NCKAP5: variants seen among roughly 807,000 people sequenced by gnomAD.
NCKAP5 encodes the protein NCK associated protein 5, also known as nck-associated protein 5.
NCKAP5 carries 92 observed loss-of-function variants against 167.0 expected under a neutral mutation model. The ratio of observed to expected loss-of-function variants is 0.55; its 90% CI spans 0.47 to 0.66. The LOEUF (loss-of-function observed/expected upper bound fraction) is 0.66. NCKAP5 is among the 30% of genes least tolerant of loss of function. NCKAP5 has a pLI of 0.00. For synonymous variants in NCKAP5, 891 were observed against 877.4 expected (o/e 1.02, Z -0.27); for missense variants, 2,378 against 2,315.0 (o/e 1.03, Z -0.56).
chr2:132,778,016 GC>G (rs1262060851), intron 15 of NCKAP5, among the ~76,000 whole-genome samples: 1 of 152,046 alleles, frequency 6.6e-6, no homozygotes, highest in Non-Finnish European at 1.5e-5. Context: ...TTAAATAGGA[GC>G]CTAGAGCTGT....
In NCKAP5 at chr2:132,744,286, T is replaced by A. The variant is rs138647589; in HGVS notation, c.5129-12235A>T. Among the ~76,000 whole-genome samples, 5 of 151,670 alleles carry A rather than the reference T, an allele frequency of 3.3e-5. No individual in the cohort carries two copies. The East Asian group carries it at 9.7e-4, about 29-fold the overall frequency. The stretch of plus-strand genomic sequence containing the variant: ...ACCATATCCTTCATTATAAAAGAAG[T>A]CTTAGAAAATTTAAAATCACCGAAG... On this transcript the variant is annotated intron_variant, in intron 16 of 19. Transcript: ENST00000409261.
chr2:133,136,419 T>A (rs1026707004), intron 5 of NCKAP5, among the ~76,000 whole-genome samples: 1 of 152,158 alleles, frequency 6.6e-6, no homozygotes, highest in Non-Finnish European at 1.5e-5. Context: ...TGACGAAACA[T>A]ATCAGGCATA....
intron 8 of NCKAP5, among the ~76,000 whole-genome samples, chr2:132,893,708 A>G (rs944031107): frequency 6.6e-6 from 1 of 152,196 alleles, no homozygotes; most frequent in Non-Finnish European, 1.5e-5. Flanking sequence ...CATTACCACT[A>G]GTGGGGAGAA....
the NCKAP5 span, among the ~76,000 whole-genome samples, chr2:133,647,713 A>AAGGAAGGAAGGAAGG: frequency 2.3e-5 from 2 of 85,712 alleles, no homozygotes; most frequent in African/African-American, 4.8e-5. Context: ...AAAGAAAAAG[A>AAGGAAGGAAGGAAGG]AAGGAAGGAA....
At chr2:132,960,592 A>G (rs1309066273) in intron 8 of NCKAP5, among the ~76,000 whole-genome samples, 1 of 152,182 alleles carries the variant, frequency 6.6e-6, no homozygotes, top group Non-Finnish European at 1.5e-5. Context: ...GAGAAGAAAG[A>G]GGAATTGATT....
chr2:133,320,773 C>T (rs1426056766), intron 3 of NCKAP5, among the ~76,000 whole-genome samples: 1 of 152,116 alleles, frequency 6.6e-6, no homozygotes, highest in African/African-American at 2.4e-5. Flanking sequence ...TTTATGCCTC[C>T]TGGCCACTTG....
At chr2:132,805,501 T>C (rs1685358948) in intron 11 of NCKAP5, among the ~76,000 whole-genome samples, 1 of 152,200 alleles carries the variant, frequency 6.6e-6, no homozygotes, top group Non-Finnish European at 1.5e-5. Flanking sequence ...TTCATTCATT[T>C]ACTTAAAATC....
At chr2:132,813,610 C>A (rs1048277022) in intron 11 of NCKAP5, among the ~76,000 whole-genome samples, 1 of 152,180 alleles carries the variant, frequency 6.6e-6, no homozygotes, top group Non-Finnish European at 1.5e-5. Context: ...AGTGACTCCT[C>A]CTGTGACACC....
At chr2:132,825,627 T>A (rs1687072307) in intron 11 of NCKAP5, among the ~76,000 whole-genome samples, 1 of 152,178 alleles carries the variant, frequency 6.6e-6, no homozygotes, top group South Asian at 2.1e-4. Context: ...AAGAGAACAT[T>A]AGCAGAATTC....
At chr2:133,470,737 GA>G (rs1559508664) in intron 3 of NCKAP5, among the ~76,000 whole-genome samples, 1 of 152,248 alleles carries the variant, frequency 6.6e-6, no homozygotes, top group Non-Finnish European at 1.5e-5. Flanking sequence ...AAGCCTGTCG[GA>G]AAAGTACAGT....
chr2:132,678,685 C>T (rs1167367309), intron 19 of NCKAP5, among the ~76,000 whole-genome samples: 1 of 152,058 alleles, frequency 6.6e-6, no homozygotes, highest in Non-Finnish European at 1.5e-5. Flanking sequence ...TATTATCATC[C>T]CCATTATACA....
At chr2:132,748,907 C>T (rs1679877505) in intron 16 of NCKAP5, among the ~76,000 whole-genome samples, 1 of 151,966 alleles carries the variant, frequency 6.6e-6, no homozygotes, top group Admixed American at 6.6e-5. Context: ...TCTCAGCCTC[C>T]CAAGTAGCTG....
intron 4 of NCKAP5, among the ~76,000 whole-genome samples, chr2:133,241,886 G>A (rs774216840): frequency 2.6e-5 from 4 of 152,084 alleles, no homozygotes; most frequent in African/African-American, 4.8e-5. Flanking sequence ...TTGAGAGGCC[G>A]AGGTGGTTGG....
At chr2:133,074,523 C>G (rs1573952125) in intron 6 of NCKAP5, among the ~76,000 whole-genome samples, 2 of 152,092 alleles carry the variant, frequency 1.3e-5, no homozygotes, top group Non-Finnish European at 2.9e-5. Flanking sequence ...AACCCTCCAG[C>G]TAGTTTTTTC....
intron 6 of NCKAP5, among the ~76,000 whole-genome samples, chr2:133,061,337 C>T (rs1266273855): frequency 5.3e-5 from 8 of 152,188 alleles, no homozygotes; most frequent in Admixed American, 3.9e-4. Context: ...AGGGCCCCCA[C>T]GCTAGGCACC....
intron 11 of NCKAP5, among the ~76,000 whole-genome samples, chr2:132,853,057 C>T (rs1400473114): frequency 6.6e-6 from 1 of 152,140 alleles, no homozygotes; most frequent in African/African-American, 2.4e-5. Context: ...CTGGCTGTCC[C>T]ATGAATATGA....
intron 6 of NCKAP5, among the ~76,000 whole-genome samples, chr2:133,087,696 A>G (rs1205151831): frequency 6.6e-6 from 1 of 152,244 alleles, no homozygotes; most frequent in Non-Finnish European, 1.5e-5. Context: ...CAAAAATACC[A>G]TACAACTGGA....
At chr2:133,285,638 C>T (rs1574603633) in intron 4 of NCKAP5, among the ~76,000 whole-genome samples, 1 of 152,248 alleles carries the variant, frequency 6.6e-6, no homozygotes, top group Non-Finnish European at 1.5e-5. Context: ...CAATGTCTTC[C>T]TTTATATAAT....
intron 16 of NCKAP5, among the ~76,000 whole-genome samples, chr2:132,752,425 G>C (rs1186678065): frequency 6.6e-6 from 1 of 152,226 alleles, no homozygotes; most frequent in African/African-American, 2.4e-5. Context: ...AAACGGAAAG[G>C]CTTTTAATAA....
Sources: gnomAD v4.1 joint callset for allele counts (sites outside exome capture counted in the v4.1 genomes callset) on GRCh38, gnomAD v4.1.1 for gene constraint, MANE v1.5 for transcripts, NCBI Gene and HGNC (gene_info 2026-07-23, HGNC 2026-07-21) for gene names.